ATP10A: variants seen among roughly 807,000 people sequenced by gnomAD.
The protein encoded by ATP10A is phospholipid-transporting ATPase VA.
ATP10A carries 111 observed loss-of-function variants against 147.8 expected under a neutral mutation model. The observed-to-expected ratio is 0.75, with a 90% confidence interval of 0.64 to 0.88. The LOEUF is 0.88. Among genes scored for constraint, ATP10A ranks in the 40% least tolerant of loss-of-function variants. The pLI is 0.00. For synonymous variants in ATP10A, 875 were observed against 841.6 expected (o/e 1.04, Z -0.69); for missense variants, 1,927 against 1,959.0 (o/e 0.98, Z 0.31).
chr15:25,744,163 A>G (rs1276894817), intron 2 of ATP10A, among the ~76,000 whole-genome samples: 1 of 152,138 alleles, frequency 6.6e-6, no homozygotes, highest in African/African-American at 2.4e-5. Context: ...CACTGCATCA[A>G]ACACATCCAG....
chr15:25,720,469 C>T (rs1040601211), intron 7 of ATP10A, among the ~76,000 whole-genome samples: 42 of 152,282 alleles, frequency 2.8e-4, no homozygotes, highest in Non-Finnish European at 4.4e-4. Context: ...AACCGACTGC[C>T]CGGGTCTCTG....
chr15:25,783,902 G>A (rs914146610), intron 1 of ATP10A, among the ~76,000 whole-genome samples: 5 of 152,166 alleles, frequency 3.3e-5, no homozygotes, highest in Non-Finnish European at 5.9e-5. Context: ...GCAGAGGCTC[G>A]TTCCTCAGGC....
intron 1 of ATP10A, among the ~76,000 whole-genome samples, chr15:25,845,386 T>C (rs1333778131): frequency 6.6e-6 from 1 of 151,988 alleles, no homozygotes; most frequent in Non-Finnish European, 1.5e-5. Flanking sequence ...CGAAGTTAAC[T>C]GTGATAAGGC....
chr15:25,790,412 A>G (rs1890356032), intron 1 of ATP10A, among the ~76,000 whole-genome samples: 1 of 152,222 alleles, frequency 6.6e-6, no homozygotes, highest in South Asian at 2.1e-4. Flanking sequence ...CAAATGAGTC[A>G]AGCTGAATGG....
intron 1 of ATP10A, among the ~76,000 whole-genome samples, chr15:25,831,518 A>G (rs976724988): frequency 1.3e-5 from 2 of 152,226 alleles, no homozygotes; most frequent in Non-Finnish European, 2.9e-5. Flanking sequence ...CTGACTTAGC[A>G]ATATCCTCAT....
At chr15:25,783,230 C>A (rs1018932890) in intron 1 of ATP10A, among the ~76,000 whole-genome samples, 1 of 152,094 alleles carries the variant, frequency 6.6e-6, no homozygotes, top group Admixed American at 6.6e-5. Context: ...GTAAAAAGCA[C>A]TAAAACACAT....
intron 1 of ATP10A, among the ~76,000 whole-genome samples, chr15:25,805,015 A>G (rs1410165136): frequency 6.6e-6 from 1 of 152,232 alleles, no homozygotes; most frequent in African/African-American, 2.4e-5. Context: ...AATTCTTTTG[A>G]AATAAAAGGC....
intron 1 of ATP10A, among the ~76,000 whole-genome samples, chr15:25,789,716 A>C (rs187658376): frequency 1.2e-3 from 178 of 152,250 alleles, no homozygotes; most frequent in African/African-American, 3.9e-3. Context: ...CCAGAATGCC[A>C]GCAACAATAG....
Position 25,860,034 on chromosome 15 carries a change from GGTC to G in ATP10A, c.449+2611_449+2613del, listed in dbSNP as rs558707510. On this transcript the variant is annotated intron_variant, in intron 1 of 20. Transcript: ENST00000555815. ...CTAGACAGTTCACAGTCGTGCGTCTGGTCTTCTCTGCAGTCAACCAAACGCACT... is the reference window on the plus strand; with the variant it reads ...CTAGACAGTTCACAGTCGTGCGTCTGTTCTCTGCAGTCAACCAAACGCACT... 1.0e-3 allele frequency among the ~76,000 whole-genome samples: 153 copies of G among 152,274 alleles called. 3 individuals are homozygous for G. The South Asian group carries it at 0.014, about 14-fold the overall frequency.
chr15:25,804,007 G>C (rs553025916), intron 1 of ATP10A, among the ~76,000 whole-genome samples: 2 of 151,822 alleles, frequency 1.3e-5, no homozygotes, highest in South Asian at 4.2e-4. Context: ...GGCTGTGTTT[G>C]TCAGTATGCA....
At chr15:25,737,807 CAT>C (rs1887370031) in intron 2 of ATP10A, among the ~76,000 whole-genome samples, 1 of 152,154 alleles carries the variant, frequency 6.6e-6, no homozygotes, top group Non-Finnish European at 1.5e-5. Flanking sequence ...CCTAATCCCA[CAT>C]GACTGGCGGC....
At chr15:25,672,492 G>C (rs1316102136), downstream of ATP10A, among the ~76,000 whole-genome samples, 1 of 152,280 alleles carries the variant, frequency 6.6e-6, no homozygotes, top group East Asian at 1.9e-4. Context: ...AATTGCTTGG[G>C]TAGGTACCTG....
At chr15:25,767,183 C>T (rs899709766) in intron 2 of ATP10A, among the ~76,000 whole-genome samples, 1 of 152,182 alleles carries the variant, frequency 6.6e-6, no homozygotes, top group Non-Finnish European at 1.5e-5. Flanking sequence ...CCTGAGAGTG[C>T]CAAGGTTAGA....
At chr15:25,721,574 G>A in intron 7 of ATP10A, 83 bp downstream of exon 7, 3 of 1,316,666 alleles carry the variant, frequency 2.3e-6, no homozygotes, top group Non-Finnish European at 2.1e-6. Context: ...GTGTGTGTGT[G>A]TGTGTGTGTG....
chr15:25,705,988 G>A (rs11858437), intron 12 of ATP10A, among the ~76,000 whole-genome samples: 14,267 of 152,168 alleles, frequency 0.094, 741 homozygotes, highest in African/African-American at 0.11. Flanking sequence ...GGATGACAGC[G>A]GGATGTGGTG....
intron 1 of ATP10A, among the ~76,000 whole-genome samples, chr15:25,804,892 T>C (rs1368546262): frequency 1.3e-5 from 2 of 152,188 alleles, no homozygotes; most frequent in African/African-American, 4.8e-5. Context: ...ATGATAGAAA[T>C]GTGAGAAATT....
Position 25,786,183 on chromosome 15 carries a change from C to T in ATP10A, c.450-4960G>A, listed in dbSNP as rs191222193. On this transcript the variant is annotated intron_variant, in intron 1 of 20. Coordinates refer to ENST00000555815, the MANE Select transcript of ATP10A (RefSeq NM_024490.4). Reference sequence around the variant, plus strand: ...GGCAGAGAGGTGCCACGCCAGCACACGGCATCAGGGTGGGCCAGGGCTGAC... The same window carrying T: ...GGCAGAGAGGTGCCACGCCAGCACATGGCATCAGGGTGGGCCAGGGCTGAC... Among the ~76,000 whole-genome samples, 21 of 152,250 alleles carry T rather than the reference C, an allele frequency of 1.4e-4. No homozygotes were observed. In the East Asian group the frequency reaches 4.1e-3, roughly 30 times the overall value.
chr15:25,712,845 C>T (rs961038283), intron 10 of ATP10A, among the ~76,000 whole-genome samples: 1 of 152,178 alleles, frequency 6.6e-6, no homozygotes, highest in African/African-American at 2.4e-5. Context: ...CTGTATGAAG[C>T]TCTTCCTCCC....
intron 5 of ATP10A, among the ~76,000 whole-genome samples, chr15:25,724,865 C>A (rs1322632820): frequency 6.6e-6 from 1 of 152,112 alleles, no homozygotes; most frequent in Non-Finnish European, 1.5e-5. Flanking sequence ...AACCATGGAC[C>A]AAAAATATTA....
Sources: allele counts gnomAD v4.1 joint callset (sites outside exome capture counted in the v4.1 genomes callset), GRCh38; gene constraint gnomAD v4.1.1; transcripts MANE v1.5; gene names NCBI Gene and HGNC (gene_info 2026-07-23, HGNC 2026-07-21).